Variants in TAS1R2 observed in about 807,000 individuals in gnomAD.
TAS1R2 encodes the protein taste receptor type 1 member 2.
A neutral mutation model predicts 49.3 loss-of-function variants in TAS1R2; 47 were observed. The ratio of observed to expected loss-of-function variants is 0.95; its 90% CI spans 0.75 to 1.22. The LOEUF (loss-of-function observed/expected upper bound fraction) is 1.22, where lower values mean the gene tolerates loss of function less well. TAS1R2 is among the 50% of genes most tolerant of loss of function. The pLI, the probability that TAS1R2 is intolerant of heterozygous loss-of-function variation, is 0.00. For missense variants in TAS1R2, 1,155 were observed against 1,122.1 expected (o/e 1.03, Z -0.42); for synonymous variants, 479 against 467.9 (o/e 1.02, Z -0.31).
At chr1:18,844,192 C>A (rs1011033000) in intron 4 of TAS1R2, among the ~76,000 whole-genome samples, 1 of 152,136 alleles carries the variant, frequency 6.6e-6, no homozygotes, top group African/African-American at 2.4e-5. Flanking sequence ...TGTGGAGATG[C>A]AAGCAGGACA....
intron 4 of TAS1R2, 68 bp from the exon 5 acceptor site, chr1:18,841,920 C>T (rs1933837774): frequency 7.0e-7 from 1 of 1,435,606 alleles, no homozygotes; most frequent in Admixed American, 2.0e-5. Flanking sequence ...CTCCCCTCTC[C>T]AACCAGCAGG....
chr1:18,855,481 C>T (rs140977350), intron 2 of TAS1R2, among the ~76,000 whole-genome samples: 13 of 152,268 alleles, frequency 8.5e-5, no homozygotes, highest in African/African-American at 3.1e-4. Flanking sequence ...AGTTCCATCT[C>T]CTTTCCTGGT....
At chr1:18,852,016 G>C (rs572487566) in intron 3 of TAS1R2, among the ~76,000 whole-genome samples, 4 of 152,354 alleles carry the variant, frequency 2.6e-5, no homozygotes, top group African/African-American at 9.6e-5. Context: ...CGGCACATAA[G>C]TGCCCATTCA....
chr1:18,851,836 T>C (rs986482670), intron 3 of TAS1R2, among the ~76,000 whole-genome samples: 1 of 152,134 alleles, frequency 6.6e-6, no homozygotes, highest in Non-Finnish European at 1.5e-5. Flanking sequence ...CACTATTTCA[T>C]CACCATCCCT....
At chr1:18,840,964 A>G (rs1933814010) in intron 5 of TAS1R2, among the ~76,000 whole-genome samples, 1 of 152,234 alleles carries the variant, frequency 6.6e-6, no homozygotes, top group African/African-American at 2.4e-5. Context: ...AGAGATGGAT[A>G]AAACCCAGCC....
chr1:18,855,975 C>T (rs1006339831), intron 2 of TAS1R2, among the ~76,000 whole-genome samples: 3 of 152,220 alleles, frequency 2.0e-5, no homozygotes, highest in Non-Finnish European at 4.4e-5. Context: ...TGCACTGCAA[C>T]ATTACCCATC....
At chr1:18,857,236 C>T (rs1009634084) in intron 2 of TAS1R2, 95 bp downstream of exon 2, 5 of 1,377,330 alleles carry the variant, frequency 3.6e-6, no homozygotes, top group Non-Finnish European at 4.9e-6. Flanking sequence ...ATCATCACCT[C>T]CCATGATTGA....
In TAS1R2 at chr1:18,854,218, A is replaced by G; in HGVS notation, c.1252T>C (p.Trp418Arg). The G allele has an allele frequency of 1.9e-6, 3 of 1,612,442 alleles. No individual in the cohort carries two copies. Among genetic ancestry groups the G allele is most frequent in the Non-Finnish European group, 2.5e-6 (3 of 1,178,706 alleles). ...TATGGCAGCCACCCCCTCACCTGCC[A>G]GGGGTAGACCACCCTCTTGGTGCAG... The change falls in exon 3 of 6, where the codon TGG becomes CGG. Residue 418 changes from tryptophan to arginine, a missense_variant. By Grantham distance (101) the Trp-to-Arg change is moderately radical. Coordinates refer to ENST00000375371, the Ensembl canonical transcript of TAS1R2. This position sits in a 1 kb window ranked among gnomAD's most constrained non-coding sequence, Gnocchi z 4.9.
In TAS1R2 at chr1:18,854,286, A is replaced by G; in HGVS notation, c.1184T>C (p.Val395Ala). 6.2e-7 allele frequency: 1 copy of G among 1,614,212 alleles called. No individual in the cohort carries two copies. The highest frequency in any genetic ancestry group is 1.7e-5 in the Admixed American group (1 of 60,026). ...GAGGAGGCTGTGCAGGGCATGGGCC[A>G]CAGCATAGACCGCAGAGTACACGCT... Residue 395 changes from valine (V) to alanine (A), a missense_variant, in exon 3 of 6, where the codon GTG becomes GCG. By Grantham distance (64) the Val-to-Ala change is moderately conservative (BLOSUM62 0). Coordinates refer to ENST00000375371, the Ensembl canonical transcript of TAS1R2. The surrounding 1 kb of genome is among the most constrained non-coding windows in gnomAD (Gnocchi z 4.9).
chr1:18,855,011 G>T (rs923570470), intron 2 of TAS1R2, 25 bp from the exon 3 acceptor site: 2 of 1,589,710 alleles, frequency 1.3e-6, no homozygotes, highest in South Asian at 2.3e-5. Context: ...GCTGTGGCAT[G>T]AGCGAGTGCC....
chr1:18,840,371 A>G (rs1381666729), exon 6 of TAS1R2: 3 of 1,614,174 alleles, frequency 1.9e-6, no homozygotes, highest in Non-Finnish European at 2.5e-6. Context: ...TATCACCAGG[A>G]TGGCCAGGGT....
chr1:18,858,020 C>T (rs1399642329), intron 1 of TAS1R2, among the ~76,000 whole-genome samples: 8 of 152,038 alleles, frequency 5.3e-5, no homozygotes, highest in Non-Finnish European at 4.4e-5. Context: ...ACTGTCACCA[C>T]AACCTTGTGA....
intron 3 of TAS1R2, among the ~76,000 whole-genome samples, chr1:18,850,972 A>G (rs1468232599): frequency 6.6e-6 from 1 of 152,240 alleles, no homozygotes; most frequent in Non-Finnish European, 1.5e-5. Context: ...TCATGATTGC[A>G]CATCCCCTCA....
In TAS1R2 at chr1:18,859,391, C is replaced by T. The variant is rs1006171846; in HGVS notation, c.182+88G>A. 12 of 1,517,714 alleles carry T rather than the reference C, an allele frequency of 7.9e-6. No individual in the cohort carries two copies. In the African/African-American group the frequency reaches 8.2e-5, roughly 10 times the overall value. 94.0% of individuals were successfully genotyped at this position (1,517,714 alleles called of 1,614,324 possible). A position where few individuals can be genotyped will look rare whatever the true frequency, so the allele number is the denominator to read the frequency against. On this transcript the variant is annotated intron_variant, in intron 1 of 5. Transcript: ENST00000375371. ...GGAGGAGTGCTTTAAGCCCTTGGTC[C>T]TGGTCTGGCTCCCAAGGACCCACAG...
rs1237038242 is a variant in TAS1R2 at position 18,854,885 on chromosome 1, C to T, written c.585G>A (p.Val195=). The change falls in exon 3 of 6, where the codon GTG becomes GTA. Residue 195 remains valine (V), a synonymous_variant. Coordinates refer to ENST00000375371, the Ensembl canonical transcript of TAS1R2. The surrounding 1 kb of genome is among the most constrained non-coding windows in gnomAD (Gnocchi z 4.9). ...TCCAGCGGAAGTGCAGCATCAGCTGCACCATGGCCTCGATGTGGTGGTCGG... is the reference window on the plus strand; with the variant it reads ...TCCAGCGGAAGTGCAGCATCAGCTGTACCATGGCCTCGATGTGGTGGTCGG... The T allele has an allele frequency of 1.9e-6, 3 of 1,612,794 alleles. No individual in the cohort carries two copies. The highest frequency in any genetic ancestry group is 2.5e-6 in the Non-Finnish European group (3 of 1,179,920).
chr1:18,848,457 C>T (rs921962350), intron 4 of TAS1R2, among the ~76,000 whole-genome samples: 1 of 151,924 alleles, frequency 6.6e-6, no homozygotes, highest in African/African-American at 2.4e-5. Context: ...AGGACAGGAC[C>T]CCAGACTGTA....
chr1:18,848,461 G>A (rs112439160), intron 4 of TAS1R2, among the ~76,000 whole-genome samples: 132 of 152,168 alleles, frequency 8.7e-4, no homozygotes, highest in Non-Finnish European at 1.7e-3. Flanking sequence ...CAGGACCCCA[G>A]ACTGTATACC....
intron 1 of TAS1R2, 140 bp downstream of exon 1, chr1:18,859,339 C>A (rs573926174): frequency 5.6e-6 from 6 of 1,076,282 alleles, no homozygotes; most frequent in South Asian, 4.5e-5. Context: ...GGCATGGATC[C>A]AGAATAAGGG....
chr1:18,846,767 A>T (rs1230917150), intron 4 of TAS1R2, among the ~76,000 whole-genome samples: 1 of 152,228 alleles, frequency 6.6e-6, no homozygotes, highest in Non-Finnish European at 1.5e-5. Context: ...GAAAGCAGAG[A>T]TGGGGTGGTG....
Sources: allele counts gnomAD v4.1 joint callset (sites outside exome capture counted in the v4.1 genomes callset), GRCh38; gene constraint gnomAD v4.1.1; non-coding constraint Gnocchi (gnomAD v3.1); transcripts MANE v1.5; gene names NCBI Gene and HGNC (gene_info 2026-07-23, HGNC 2026-07-21).